The following RAB10 variants were observed in gnomAD, a reference collection of about 807,000 sequenced individuals.
The protein encoded by RAB10 is ras-related protein Rab-10.
RAB10 carries 5 observed loss-of-function variants against 25.7 expected under a neutral mutation model. The observed-to-expected ratio is 0.19, with a 90% CI of 0.10 to 0.41. The LOEUF is 0.41. RAB10 is among the 10% of genes least tolerant of loss of function. The probability of loss-of-function intolerance (pLI) is 1.00; values close to 1 mark genes in which losing one functional copy is unlikely to be tolerated. For synonymous variants in RAB10, 89 were observed against 86.4 expected, an observed-to-expected ratio of 1.03 and a Z score of -0.16; for missense variants, 103 against 245.8, an observed-to-expected ratio of 0.42 and a Z score of 3.89.
rs569488715 is a variant in RAB10, at chr2:26,094,861, A to C, written c.128-3801A>C. The stretch of plus-strand genomic sequence containing the variant: ...GGCGTGAGCCACTGTGCCCGGCCCC[A>C]CTTAGTAATTTTAATCATGTTAAGT... On this transcript the variant is annotated intron_variant, in intron 1 of 5. Transcript: ENST00000264710. Among the ~76,000 whole-genome samples, 65 of 152,334 alleles carry C rather than the reference A, an allele frequency of 4.3e-4. 2 individuals carry two copies. In the South Asian group the frequency reaches 0.013, roughly 30 times the overall value.
intron 1 of RAB10, among the ~76,000 whole-genome samples, chr2:26,073,268 G>T (rs1231782467): frequency 6.6e-6 from 1 of 152,208 alleles, no homozygotes; most frequent in African/African-American, 2.4e-5. Flanking sequence ...GGGAGAAGGG[G>T]CTATTAACCA....
At chr2:26,113,180 C>T (rs1251176424) in intron 3 of RAB10, among the ~76,000 whole-genome samples, 1 of 152,144 alleles carries the variant, frequency 6.6e-6, no homozygotes, top group African/African-American at 2.4e-5. Context: ...AGGGTCAGAA[C>T]CTGTCAATGT....
intron 1 of RAB10, among the ~76,000 whole-genome samples, chr2:26,098,057 A>G (rs1047145521): frequency 3.0e-5 from 4 of 132,514 alleles, no homozygotes; most frequent in African/African-American, 1.1e-4. Flanking sequence ...ACTTTCTTAT[A>G]TCCTAATTTG....
intron 1 of RAB10, among the ~76,000 whole-genome samples, chr2:26,054,662 G>A (rs559534682): frequency 9.9e-5 from 15 of 152,164 alleles, no homozygotes; most frequent in East Asian, 5.8e-4. Context: ...AAACTTTTTC[G>A]TTATTTTGAA....
intron 3 of RAB10, among the ~76,000 whole-genome samples, chr2:26,125,346 A>C (rs1667883872): frequency 6.6e-6 from 1 of 150,554 alleles, no homozygotes; most frequent in Non-Finnish European, 1.5e-5. Context: ...GCATTTCCTA[A>C]TCTTAGTGAT....
intron 1 of RAB10, among the ~76,000 whole-genome samples, chr2:26,049,015 T>G (rs75731488): frequency 6.6e-6 from 1 of 152,206 alleles, no homozygotes. Context: ...TAAATCATGC[T>G]TTTGGACTTT....
chr2:26,076,837 G>A (rs1372124173), intron 1 of RAB10, among the ~76,000 whole-genome samples: 3 of 151,758 alleles, frequency 2.0e-5, no homozygotes, highest in African/African-American at 7.3e-5. Context: ...CCAGCTACTC[G>A]GGAGGCTGAG....
intron 1 of RAB10, among the ~76,000 whole-genome samples, chr2:26,093,574 T>C (rs932535197): frequency 8.5e-5 from 13 of 152,322 alleles, no homozygotes; most frequent in African/African-American, 3.1e-4. Context: ...GATACCTCTT[T>C]TGTGTTTGTT....
At chr2:26,073,845 T>C (rs1384659720) in intron 1 of RAB10, among the ~76,000 whole-genome samples, 1 of 152,178 alleles carries the variant, frequency 6.6e-6, no homozygotes, top group Non-Finnish European at 1.5e-5. Flanking sequence ...TAGATAAGAT[T>C]TGACTGAATA....
chr2:26,117,089 ATTAC>A (rs1667705794), intron 3 of RAB10, among the ~76,000 whole-genome samples: 1 of 152,152 alleles, frequency 6.6e-6, no homozygotes, highest in Admixed American at 6.6e-5. Context: ...TTTTAGTAGT[ATTAC>A]TTGGCATATG....
In RAB10 at chr2:26,116,580, G is replaced by A. The variant is rs541810838; in HGVS notation, c.327+6674G>A. On this transcript the variant is annotated intron_variant, in intron 3 of 5. Transcript: ENST00000264710. ...TTTTTTTTTTTTTTTTTTTTGAGAC[G>A]CAGTCTTGCTCTGTCGCCCAGGCTG... is the stretch of plus-strand genomic sequence containing the variant. Among the ~76,000 whole-genome samples, 35 of 102,812 alleles carry A rather than the reference G, an allele frequency of 3.4e-4. 1 individual carries two copies. Among genetic ancestry groups the A allele is most frequent in the African/African-American group, 1.0e-3 (28 of 26,898 alleles). 67.4% of individuals were successfully genotyped at this position (102,812 alleles called of 152,430 possible).
At chr2:26,039,563 G>C (rs1271905458) in intron 1 of RAB10, among the ~76,000 whole-genome samples, 1 of 151,752 alleles carries the variant, frequency 6.6e-6, no homozygotes, top group Non-Finnish European at 1.5e-5. Flanking sequence ...TGGCCAGGCT[G>C]GTCAAGAACT....
At chr2:26,045,461 G>C (rs556773040) in intron 1 of RAB10, among the ~76,000 whole-genome samples, 1 of 151,640 alleles carries the variant, frequency 6.6e-6, no homozygotes, top group African/African-American at 2.4e-5. Context: ...GGATGGTCTC[G>C]ATCTCCTGAC....
intron 1 of RAB10, among the ~76,000 whole-genome samples, chr2:26,070,360 A>G (rs1053869400): frequency 1.8e-4 from 27 of 152,186 alleles, no homozygotes; most frequent in Middle Eastern, 3.2e-3. Context: ...ATCTGGTTTT[A>G]TCTGTTTTTC....
intron 1 of RAB10, among the ~76,000 whole-genome samples, chr2:26,041,850 G>A (rs892174507): frequency 7.2e-5 from 11 of 152,276 alleles, no homozygotes; most frequent in Admixed American, 4.6e-4. Context: ...GTTGCGGTGA[G>A]CCGAGATCGT....
At chr2:26,034,810 C>T in intron 1 of RAB10, 75 bp downstream of exon 1, 2 of 1,562,108 alleles carry the variant, frequency 1.3e-6, no homozygotes, top group Non-Finnish European at 1.8e-6. Context: ...ATCTTGCTTC[C>T]CGTAATATAC....
intron 1 of RAB10, among the ~76,000 whole-genome samples, chr2:26,066,728 ACAGTT>A (rs966933832): frequency 4.0e-4 from 61 of 151,544 alleles, no homozygotes; most frequent in African/African-American, 1.4e-3. Context: ...TATGGGAACT[ACAGTT>A]CAAGATGACA....
chr2:26,117,242 A>G (rs1667709070), intron 3 of RAB10, among the ~76,000 whole-genome samples: 2 of 152,178 alleles, frequency 1.3e-5, no homozygotes, highest in African/African-American at 4.8e-5. Flanking sequence ...ATCAAGGGAC[A>G]ACTCTTGGGA....
chr2:26,135,102 A>C lies in RAB10; in HGVS notation c.*81A>C. The C allele has an allele frequency of 9.1e-7, 1 of 1,094,186 alleles. No individual in the cohort carries two copies. The highest frequency in any genetic ancestry group is 1.3e-6 in the Non-Finnish European group (1 of 768,596). The allele number at this position is 1,094,186 out of a possible 1,614,324, so 67.8% of individuals were successfully genotyped here. On this transcript the variant is annotated 3_prime_UTR_variant, in exon 6 of 6. Coordinates refer to ENST00000264710, the MANE Select transcript of RAB10 (RefSeq NM_016131.5). ...AAAATAAACCACTCTGTCCATTTTTAACTCTAAACAGATATTTTTGTTTCT... is the reference window on the plus strand; with the variant it reads ...AAAATAAACCACTCTGTCCATTTTTCACTCTAAACAGATATTTTTGTTTCT...
Sources: allele counts gnomAD v4.1 joint callset (sites outside exome capture counted in the v4.1 genomes callset), GRCh38; gene constraint gnomAD v4.1.1; transcripts MANE v1.5; gene names NCBI Gene and HGNC (gene_info 2026-07-23, HGNC 2026-07-21).